The following CLTC variants were observed in gnomAD, a reference collection of about 807,000 sequenced individuals.
CLTC encodes the protein clathrin heavy chain.
In CLTC, 16 loss-of-function variants were observed where a neutral mutation model predicts 195.8. The ratio of observed to expected loss-of-function variants is 0.08; its 90% CI spans 0.06 to 0.12. The LOEUF (loss-of-function observed/expected upper bound fraction) is 0.12. Among genes scored for constraint, CLTC ranks in the 10% least tolerant of loss-of-function variants. The pLI is 1.00. For missense variants in CLTC, 796 were observed against 2,027.0 expected, an observed-to-expected ratio of 0.39 and a Z score of 11.66; for synonymous variants, 667 against 689.4, an observed-to-expected ratio of 0.97 and a Z score of 0.51.
chr17:59,629,870 A>G (rs779851320), intron 1 of CLTC, among the ~76,000 whole-genome samples: 12 of 151,878 alleles, frequency 7.9e-5, no homozygotes, highest in Non-Finnish European at 1.0e-4. Context: ...TCTCCTGATA[A>G]CGCAAATAGA....
At chr17:59,688,893 G>A (rs940449634) in intron 30 of CLTC, among the ~76,000 whole-genome samples, 3 of 152,086 alleles carry the variant, frequency 2.0e-5, no homozygotes, top group Non-Finnish European at 4.4e-5. Flanking sequence ...AGGCATCCAT[G>A]TATTTTTCTT....
At chr17:59,670,283 T>G (rs1185526079) in intron 14 of CLTC, among the ~76,000 whole-genome samples, 1 of 128,552 alleles carries the variant, frequency 7.8e-6, no homozygotes, top group Non-Finnish European at 1.8e-5. Flanking sequence ...TTGGGTTTTT[T>G]TTTTTGTTTT....
At chr17:59,661,109 TTTATGA>T (rs1299970941) in intron 7 of CLTC, among the ~76,000 whole-genome samples, 3 of 152,188 alleles carry the variant, frequency 2.0e-5, no homozygotes, top group African/African-American at 7.2e-5. Context: ...CTATAACTGT[TTTATGA>T]TTATAACTAT....
At position 59,620,051 on chromosome 17, in the gene CLTC, C is replaced by T. The variant is rs968216547; in HGVS notation, c.-81C>T. On this transcript the variant is annotated 5_prime_UTR_variant, in exon 1 of 32. Coordinates refer to ENST00000269122, the MANE Select transcript of CLTC (RefSeq NM_004859.4). ...AGCCCAGCCTCCCCCCTCCCCTTCTCCTCCTCTCCCTTGGAGAGCCCGGGC... is the reference window on the plus strand; with the variant it reads ...AGCCCAGCCTCCCCCCTCCCCTTCTTCTCCTCTCCCTTGGAGAGCCCGGGC... 4.4e-6 allele frequency: 6 copies of T among 1,349,532 alleles called. No individual in the cohort carries two copies. Among genetic ancestry groups the T allele is most frequent in the Admixed American group, 1.8e-5 (1 of 55,760 alleles). 83.6% of individuals were successfully genotyped at this position (1,349,532 alleles called of 1,614,324 possible). A position where few individuals can be genotyped will look rare whatever the true frequency, so the allele number is the denominator to read the frequency against.
chr17:59,622,005 T>C (rs1598195817), intron 1 of CLTC, among the ~76,000 whole-genome samples: 1 of 152,204 alleles, frequency 6.6e-6, no homozygotes, highest in South Asian at 2.1e-4. Flanking sequence ...CTTGTGGTGG[T>C]TGGAGTAATA....
chr17:59,631,887 C>T (rs1001655709), intron 1 of CLTC, among the ~76,000 whole-genome samples: 3 of 150,688 alleles, frequency 2.0e-5, no homozygotes, highest in African/African-American at 7.3e-5. Flanking sequence ...GATGGATCAC[C>T]TGAGCCTGGG....
At chr17:59,692,366 T>C (rs1387268117) in intron 31 of CLTC, among the ~76,000 whole-genome samples, 5 of 152,220 alleles carry the variant, frequency 3.3e-5, no homozygotes, top group Admixed American at 3.3e-4. Flanking sequence ...TGAAGACAGC[T>C]TTGGTTGTTA....
At chr17:59,678,949 C>CTA (rs2033024619) in intron 17 of CLTC, among the ~76,000 whole-genome samples, 1 of 152,142 alleles carries the variant, frequency 6.6e-6, no homozygotes, top group Non-Finnish European at 1.5e-5. Flanking sequence ...TTGCAGTGAG[C>CTA]TATGATCGCA....
intron 1 of CLTC, among the ~76,000 whole-genome samples, chr17:59,623,053 G>A (rs957139834): frequency 6.6e-6 from 1 of 152,164 alleles, no homozygotes; most frequent in South Asian, 2.1e-4. Context: ...AATATTGCCT[G>A]TGATTCTTAA....
At chr17:59,667,858 G>A (rs1456949633) in intron 13 of CLTC, among the ~76,000 whole-genome samples, 1 of 152,200 alleles carries the variant, frequency 6.6e-6, no homozygotes, top group East Asian at 1.9e-4. Context: ...GTCCCCAACT[G>A]CCTTTCTCTC....
intron 1 of CLTC, among the ~76,000 whole-genome samples, chr17:59,624,132 G>T (rs1438944941): frequency 6.6e-6 from 1 of 152,130 alleles, no homozygotes; most frequent in Non-Finnish European, 1.5e-5. Context: ...AATTTGGCTA[G>T]GTACTTTCAG....
In CLTC at chr17:59,693,825, A is replaced by G. The variant is rs1179339814; in HGVS notation, c.5001A>G (p.Pro1667=). The stretch of plus-strand genomic sequence containing the variant: ...ATACCGCACCACCGTATGGACAGCC[A>G]CAGCCTGGCTTTGGGTACAGCATGT... ...YGYTAPPYGQ[P]QPGFGYSM Residue 1667 remains proline, a synonymous_variant, in exon 32 of 32, where the codon CCA becomes CCG. Coordinates refer to ENST00000269122, the MANE Select transcript of CLTC (RefSeq NM_004859.4). The G allele has an allele frequency of 6.2e-7, 1 of 1,612,972 alleles. No homozygotes were observed. The highest frequency in any genetic ancestry group is 1.3e-5 in the African/African-American group (1 of 74,964).
At chr17:59,674,646 T>A in intron 15 of CLTC, 55 bp from the exon 16 acceptor site, 1 of 1,476,474 alleles carries the variant, frequency 6.8e-7, no homozygotes, top group East Asian at 2.4e-5. Context: ...TTTTTTAAAA[T>A]TCCTCTTTGC....
In CLTC at chr17:59,683,367, A is replaced by G; in HGVS notation, c.4042-20A>G. 1 of 1,606,664 alleles carries G rather than the reference A, an allele frequency of 6.2e-7. No homozygotes were observed. Among genetic ancestry groups the G allele is most frequent in the African/African-American group, 1.3e-5 (1 of 74,634 alleles). On this transcript the variant is annotated intron_variant, in intron 25 of 31. Transcript: ENST00000269122. This position sits in a 1 kb window ranked among gnomAD's most constrained non-coding sequence, Gnocchi z 6.1. ...GTTAGCTAGACTCATATCTAAAGCA[A>G]TTAAGTCTTTCTTATGCAGGTGCTA...
At chr17:59,656,666 ATTTT>A (rs55669818) in intron 6 of CLTC, among the ~76,000 whole-genome samples, 20 of 96,222 alleles carry the variant, frequency 2.1e-4, no homozygotes, top group African/African-American at 6.9e-4. Context: ...TATTATTTTA[ATTTT>A]TTTTTTTTTT....
chr17:59,646,114 T>C (rs1302465415), intron 2 of CLTC: 1 of 353,588 alleles, frequency 2.8e-6, no homozygotes, highest in Non-Finnish European at 4.0e-6. Flanking sequence ...AATAACATCA[T>C]AGATTTGTCC....
At chr17:59,623,539 A>T (rs1391185947) in intron 1 of CLTC, among the ~76,000 whole-genome samples, 1 of 152,238 alleles carries the variant, frequency 6.6e-6, no homozygotes, top group African/African-American at 2.4e-5. Context: ...AGGAAAATTC[A>T]CATTTCAGGA....
intron 4 of CLTC, among the ~76,000 whole-genome samples, chr17:59,650,903 G>T (rs953942085): frequency 6.6e-6 from 1 of 152,010 alleles, no homozygotes. Context: ...CTAGCTCCTG[G>T]CAACCACTAA....
chr17:59,630,621 C>G (rs1266952129), intron 1 of CLTC, among the ~76,000 whole-genome samples: 1 of 152,140 alleles, frequency 6.6e-6, no homozygotes, highest in Non-Finnish European at 1.5e-5. Flanking sequence ...TGCTTTTTGT[C>G]TCTATGGATT....
Sources: gnomAD v4.1 joint callset for allele counts (sites outside exome capture counted in the v4.1 genomes callset) on GRCh38, gnomAD v4.1.1 for gene constraint, Gnocchi (gnomAD v3.1) non-coding constraint, MANE v1.5 for transcripts, NCBI Gene and HGNC (gene_info 2026-07-23, HGNC 2026-07-21) for gene names.